TRMT10B: variants seen among roughly 807,000 people sequenced by gnomAD.
TRMT10B encodes the protein tRNA methyltransferase 10 homolog B.
In TRMT10B, 33 loss-of-function variants were observed where a neutral mutation model predicts 43.8. The observed-to-expected ratio is 0.75, with a 90% confidence interval of 0.57 to 1.01. The LOEUF is 1.01. TRMT10B is among the 50% of genes least tolerant of loss of function. The pLI is 0.00. For missense variants in TRMT10B, 362 were observed against 369.8 expected (o/e 0.98, Z 0.17); for synonymous variants, 137 against 130.6 (o/e 1.05, Z -0.34).
chr9:37,776,724 A>AC (rs1193560229), intron 8 of TRMT10B, among the ~76,000 whole-genome samples: 1 of 151,804 alleles, frequency 6.6e-6, no homozygotes, highest in East Asian at 1.9e-4. Flanking sequence ...ACATGGTGAA[A>AC]CCCCATCTCT....
At chr9:37,770,530 G>A (rs1402095413) in intron 6 of TRMT10B, 142 bp from the exon 7 acceptor site, 6 of 783,318 alleles carry the variant, frequency 7.7e-6, no homozygotes, top group East Asian at 2.8e-5. Context: ...TAGAAAATTA[G>A]CTTTTGGTTT....
At chr9:37,765,442 G>A (rs1826885720) in intron 4 of TRMT10B, among the ~76,000 whole-genome samples, 2 of 152,100 alleles carry the variant, frequency 1.3e-5, no homozygotes, top group African/African-American at 4.8e-5. Flanking sequence ...CATTTTTTAT[G>A]GCTGCATACT....
rs373502835 is a variant in TRMT10B, at chr9:37,763,664, G to A, written c.331G>A (p.Ala111Thr). Residue 111 changes from alanine (A) to threonine (T), a missense_variant, in exon 4 of 9, where the codon GCT becomes ACT. Coordinates refer to ENST00000297994, the MANE Select transcript of TRMT10B (RefSeq NM_144964.4). ...CPQHSKRFLR[A>T]LTKDKLLEAK... ...CCAGCACAGCAAACGTTTCCTGAGA[G>A]CTCTAACCAAAGACAAACTTTTGGA... The A allele has an allele frequency of 6.2e-7, 1 of 1,613,994 alleles. No homozygotes were observed. The highest frequency in any genetic ancestry group is 8.5e-7 in the Non-Finnish European group (1 of 1,180,028).
At chr9:37,775,557 G>A (rs1432493617) in intron 7 of TRMT10B, among the ~76,000 whole-genome samples, 2 of 152,030 alleles carry the variant, frequency 1.3e-5, no homozygotes, top group Non-Finnish European at 1.5e-5. Flanking sequence ...TTGAGACAGG[G>A]TCTCCTCTGT....
At chr9:37,772,023 T>G (rs1276889293) in intron 7 of TRMT10B, among the ~76,000 whole-genome samples, 1 of 152,102 alleles carries the variant, frequency 6.6e-6, no homozygotes, top group Non-Finnish European at 1.5e-5. Flanking sequence ...TTTAATTTAA[T>G]TTTTTTGAGA....
intron 4 of TRMT10B, chr9:37,767,512 C>CAAAAAAAAAAAAAAAAAA (rs1376563452): frequency 2.0e-4 from 12 of 60,852 alleles, no homozygotes; most frequent in African/African-American, 5.1e-4. Context: ...GACCCTGTCT[C>CAAAAAAAAAAAAAAAAAA]CAAAAAAAAA....
chr9:37,776,288 A>G lies in TRMT10B; in HGVS notation c.727A>G (p.Thr243Ala), dbSNP rs550809056. Residue 243 changes from threonine (T) to alanine (A), a missense_variant, in exon 8 of 9, where the codon ACA (threonine) becomes GCA (alanine). Coordinates refer to ENST00000297994, the MANE Select transcript of TRMT10B (RefSeq NM_144964.4). ...LVDESIQKKV[T>A]FQKAREYSVK... Reference sequence around the variant, plus strand: ...TTTAACTATATATTTACAGAAGGTGACATTTCAAAAGGCCCGGGAATACTC... The same window carrying G: ...TTTAACTATATATTTACAGAAGGTGGCATTTCAAAAGGCCCGGGAATACTC... 2.3e-5 allele frequency: 35 copies of G among 1,543,494 alleles called. No individual in the cohort carries two copies. Among genetic ancestry groups the G allele is most frequent in the Non-Finnish European group, 3.0e-5 (35 of 1,150,314 alleles).
chr9:37,777,553 C>T (rs1564008268), intron 8 of TRMT10B, 48 bp from the exon 9 acceptor site: 3 of 1,448,562 alleles, frequency 2.1e-6, no homozygotes, highest in Non-Finnish European at 1.9e-6. Flanking sequence ...TTTACTCGTT[C>T]TTTTTTTCCC....
At chr9:37,774,864 C>G (rs1420548698) in intron 7 of TRMT10B, among the ~76,000 whole-genome samples, 1 of 152,184 alleles carries the variant, frequency 6.6e-6, no homozygotes. Flanking sequence ...TGATACTGGA[C>G]TAGCTTAGAA....
intron 1 of TRMT10B, among the ~76,000 whole-genome samples, chr9:37,756,402 C>CTT (rs1467411812): frequency 5.2e-5 from 7 of 135,204 alleles, no homozygotes; most frequent in African/African-American, 1.1e-4. Flanking sequence ...GTCTAGATAT[C>CTT]TTTTGTTTAA....
At chr9:37,760,904 CAT>C (rs548154348) in intron 1 of TRMT10B, among the ~76,000 whole-genome samples, 12 of 152,310 alleles carry the variant, frequency 7.9e-5, no homozygotes, top group South Asian at 2.1e-4. Context: ...ATTTCTGACT[CAT>C]ATCGTTCAGA....
chr9:37,756,182 G>A (rs150499184), intron 1 of TRMT10B, among the ~76,000 whole-genome samples: 1 of 152,182 alleles, frequency 6.6e-6, no homozygotes, highest in African/African-American at 2.4e-5. Flanking sequence ...AAGTTTAAAG[G>A]AGGAAGAGAT....
intron 4 of TRMT10B, 49 bp downstream of exon 4, chr9:37,763,802 C>G: frequency 6.2e-7 from 1 of 1,612,012 alleles, no homozygotes; most frequent in African/African-American, 1.3e-5. Context: ...GAGGGAGGCC[C>G]AGAAGGGTAC....
At chr9:37,766,867 T>C (rs910534461) in intron 4 of TRMT10B, 1 of 152,358 alleles carries the variant, frequency 6.6e-6, no homozygotes, top group Non-Finnish European at 1.5e-5. Flanking sequence ...ACTCATGATT[T>C]GGCTGTTTGT....
At chr9:37,776,700 A>C (rs755627968) in intron 8 of TRMT10B, among the ~76,000 whole-genome samples, 4 of 151,812 alleles carry the variant, frequency 2.6e-5, no homozygotes, top group Non-Finnish European at 5.9e-5. Context: ...AGGAGTTCGA[A>C]ACCAGCCTGG....
chr9:37,768,300 A>G (rs1417036294), intron 5 of TRMT10B, 72 bp downstream of exon 5: 7 of 1,403,288 alleles, frequency 5.0e-6, no homozygotes, highest in Non-Finnish European at 6.8e-6. Context: ...TTTTTTTTTT[A>G]CTTTTTCATA....
chr9:37,766,192 T>C (rs549664534), intron 4 of TRMT10B, among the ~76,000 whole-genome samples: 1 of 152,260 alleles, frequency 6.6e-6, no homozygotes, highest in African/African-American at 2.4e-5. Flanking sequence ...GGTTTTCTTC[T>C]AGGGTTTTTA....
chr9:37,771,850 G>A (rs1407698093), intron 7 of TRMT10B, among the ~76,000 whole-genome samples: 1 of 151,720 alleles, frequency 6.6e-6, no homozygotes, highest in African/African-American at 2.4e-5. Context: ...TCTGCCTCCT[G>A]AGGTGTAGTA....
intron 5 of TRMT10B, among the ~76,000 whole-genome samples, chr9:37,769,250 G>C (rs1254883939): frequency 7.0e-6 from 1 of 142,830 alleles, no homozygotes; most frequent in East Asian, 2.1e-4. Context: ...AGAGGTTGCC[G>C]TGAGCTTAGA....
Sources: allele counts gnomAD v4.1 joint callset (sites outside exome capture counted in the v4.1 genomes callset), GRCh38; gene constraint gnomAD v4.1.1; transcripts MANE v1.5; gene names NCBI Gene and HGNC (gene_info 2026-07-23, HGNC 2026-07-21).